Variants in DCBLD1 observed in about 807,000 individuals in gnomAD.
DCBLD1 encodes discoidin, CUB and LCCL domain containing 1.
A neutral mutation model predicts 71.5 loss-of-function variants in DCBLD1; 57 were observed. That is an observed-to-expected ratio of 0.80 (90% CI 0.64 to 0.99). The LOEUF is 0.99. Ranked by LOEUF, DCBLD1 falls within the 50% of genes least tolerant of loss-of-function variation. DCBLD1 has a pLI of 0.00. For missense variants in DCBLD1, 891 were observed against 923.5 expected (o/e 0.96, Z 0.46); for synonymous variants, 380 against 363.8 (o/e 1.04, Z -0.51).
Position 117,537,170 on chromosome 6 carries a change from T to C in DCBLD1, c.720-15T>C, listed in dbSNP as rs767340238. The C allele has an allele frequency of 1.2e-6, 2 of 1,614,020 alleles. No individual in the cohort carries two copies. Among genetic ancestry groups the C allele is most frequent in the East Asian group, 2.2e-5 (1 of 44,864 alleles). ...TGAGCAACTTACCTTCTCATGTTTG[T>C]CTTTATTGTTTCAGTGGTTCCCTGT... On this transcript the variant is annotated splice_polypyrimidine_tract_variant and intron_variant, in intron 6 of 14. Transcript: ENST00000338728.
chr6:117,557,231 C>A (rs530534806), intron 14 of DCBLD1, among the ~76,000 whole-genome samples: 1 of 152,128 alleles, frequency 6.6e-6, no homozygotes, highest in African/African-American at 2.4e-5. Flanking sequence ...ATTTAAGTAA[C>A]CTTTATCCCT....
intron 1 of DCBLD1, among the ~76,000 whole-genome samples, chr6:117,487,627 T>TA (rs1000954403): frequency 2.0e-5 from 3 of 151,780 alleles, no homozygotes; most frequent in Non-Finnish European, 2.9e-5. Context: ...CAGTCTCAAA[T>TA]AAAAAAAGAA....
intron 9 of DCBLD1, 179 bp from the exon 10 acceptor site, chr6:117,540,489 A>T: frequency 1.6e-6 from 1 of 638,426 alleles, no homozygotes; most frequent in Non-Finnish European, 2.7e-6. Context: ...GCACCACCTT[A>T]GTTAGATAAA....
At chr6:117,526,195 TTGAC>T (rs1464020144) in intron 5 of DCBLD1, among the ~76,000 whole-genome samples, 1 of 152,238 alleles carries the variant, frequency 6.6e-6, no homozygotes, top group Non-Finnish European at 1.5e-5. Flanking sequence ...GGGAAAAAGT[TTGAC>T]TGTGATTTTC....
At chr6:117,506,381 C>T (rs570288248) in intron 2 of DCBLD1, among the ~76,000 whole-genome samples, 22 of 152,284 alleles carry the variant, frequency 1.4e-4, no homozygotes, top group Non-Finnish European at 2.4e-4. Context: ...GCACTATCAT[C>T]CTTCCCAGGT....
At chr6:117,507,389 C>T (rs1777878273) in intron 2 of DCBLD1, among the ~76,000 whole-genome samples, 1 of 152,134 alleles carries the variant, frequency 6.6e-6, no homozygotes, top group African/African-American at 2.4e-5. Flanking sequence ...GATTATTCTT[C>T]TTCTGTTTGT....
At position 117,521,541 on chromosome 6, in the gene DCBLD1, G is replaced by T; in HGVS notation, c.477G>T (p.Leu159Phe). ...SSDHPDLITC[L>F]ERASHYLKTE... The stretch of plus-strand genomic sequence containing the variant: ...TTATGACAGATTTAATAACATGTTT[G>T]GAACGAGCTAGCCATTATTTGAAGA... Residue 159 changes from leucine to phenylalanine, a missense_variant, in exon 4 of 15, where the codon TTG (leucine) becomes TTT (phenylalanine). Coordinates refer to ENST00000338728, the MANE Select transcript of DCBLD1 (RefSeq NM_001366458.2). 1 of 1,573,226 alleles carries T rather than the reference G, an allele frequency of 6.4e-7. No individual in the cohort carries two copies. Among genetic ancestry groups the T allele is most frequent in the Non-Finnish European group, 8.6e-7 (1 of 1,167,604 alleles).
At chr6:117,484,605 T>C (rs943963134) in intron 1 of DCBLD1, among the ~76,000 whole-genome samples, 4 of 152,172 alleles carry the variant, frequency 2.6e-5, no homozygotes, top group African/African-American at 9.7e-5. Flanking sequence ...CACCCCGGCC[T>C]CCCAAGGTGC....
chr6:117,560,778 T>C (rs902291995), intron 14 of DCBLD1: 3 of 210,032 alleles, frequency 1.4e-5, no homozygotes, highest in African/African-American at 6.8e-5. Flanking sequence ...TCACATTTTA[T>C]TAAAACGTTT....
chr6:117,568,091 C>T (rs970863869), intron 14 of DCBLD1, among the ~76,000 whole-genome samples: 7 of 150,888 alleles, frequency 4.6e-5, no homozygotes, highest in African/African-American at 1.7e-4. Flanking sequence ...CTTAGCTACT[C>T]AGGGGGCTGA....
rs571257606 is a variant in DCBLD1, at chr6:117,561,302, C to A, written c.1616-8318C>A. 7.4e-4 allele frequency: 165 copies of A among 224,178 alleles called. 1 individual carries two copies. Among genetic ancestry groups the A allele is most frequent in the African/African-American group, 3.3e-3 (149 of 44,968 alleles). The allele number at this position is 224,178 out of a possible 1,614,324, so 13.9% of individuals were successfully genotyped here. On this transcript the variant is annotated intron_variant, in intron 14 of 14. Coordinates refer to the DCBLD1 transcript ENST00000296955. ...CTCTTCATACACTTATTCGGTAGTT[C>A]TTGAAAATCAAAGGGTTATAGCTTA...
At position 117,548,196 on chromosome 6, in the gene DCBLD1, C is replaced by T. The variant is rs771283285; in HGVS notation, c.1905C>T (p.Ser635=). 1.9e-6 allele frequency: 3 copies of T among 1,550,364 alleles called. No homozygotes were observed. The highest frequency in any genetic ancestry group is 2.0e-5 in the Admixed American group (1 of 50,988). The change falls in exon 15 of 15, where the codon TCC becomes TCT. Residue 635 remains serine, a synonymous_variant. Coordinates refer to ENST00000338728, the MANE Select transcript of DCBLD1 (RefSeq NM_001366458.2). ...AGCCCGGCCACAAACACTCCCTCTC[C>T]TCGGGCGGCTTCTCCCCCGTAGCGG... is the stretch of plus-strand genomic sequence containing the variant. ...GPQPGHKHSL[S]SGGFSPVAGV...
Position 117,503,939 on chromosome 6 carries a change from T to C in DCBLD1, c.285T>C (p.Ala95=), listed in dbSNP as rs1373387645. Residue 95 remains alanine (A), a synonymous_variant, in exon 2 of 15, where the codon GCT becomes GCC. Transcript: ENST00000338728. Reference sequence around the variant, plus strand: ...TGGATATCGAATCCCAGACCTGTGCTTCTGACTATCTTCTCTTCACCAGCT... The same window carrying C: ...TGGATATCGAATCCCAGACCTGTGCCTCTGACTATCTTCTCTTCACCAGCT... ...GDLDIESQTC[A]SDYLLFTSSS... is the part of the protein sequence containing the mutation. 6.2e-7 allele frequency: 1 copy of C among 1,614,060 alleles called. No individual in the cohort carries two copies. The highest frequency in any genetic ancestry group is 1.3e-5 in the African/African-American group (1 of 74,930).
chr6:117,558,649 A>AAGAT (rs1779527647), intron 14 of DCBLD1, among the ~76,000 whole-genome samples: 1 of 152,208 alleles, frequency 6.6e-6, no homozygotes, highest in East Asian at 1.9e-4. Flanking sequence ...TACAAGCTCC[A>AAGAT]AGATTCATTT....
chr6:117,543,630 G>A (rs1361499216), intron 12 of DCBLD1, among the ~76,000 whole-genome samples: 2 of 152,128 alleles, frequency 1.3e-5, no homozygotes, highest in Non-Finnish European at 1.5e-5. Flanking sequence ...AAAGCACTGG[G>A]ATTATAGGCA....
chr6:117,518,905 G>GTTATAAATAGACTTT (rs1159532310), intron 2 of DCBLD1, among the ~76,000 whole-genome samples: 2 of 152,104 alleles, frequency 1.3e-5, no homozygotes, highest in Non-Finnish European at 2.9e-5. Context: ...GGTTTTATTC[G>GTTATAAATAGACTTT]TATTGACTTG....
chr6:117,547,632 C>T (rs1218119941), intron 14 of DCBLD1: 4 of 704,440 alleles, frequency 5.7e-6, no homozygotes, highest in Admixed American at 2.0e-5. Context: ...GAGCCACTTC[C>T]TCCCTGAAGT....
At chr6:117,558,384 C>G (rs1562132324) in intron 14 of DCBLD1, among the ~76,000 whole-genome samples, 2 of 152,170 alleles carry the variant, frequency 1.3e-5, no homozygotes, top group Non-Finnish European at 2.9e-5. Flanking sequence ...TTTCAAATGT[C>G]TGCATCACTG....
chr6:117,544,608 C>G, intron 13 of DCBLD1, 31 bp downstream of exon 13: 1 of 1,612,940 alleles, frequency 6.2e-7, no homozygotes, highest in Non-Finnish European at 8.5e-7. Flanking sequence ...ACAATTTTAT[C>G]TGTCTTTGAG....
Sources: allele counts gnomAD v4.1 joint callset (sites outside exome capture counted in the v4.1 genomes callset), GRCh38; gene constraint gnomAD v4.1.1; transcripts MANE v1.5; gene names NCBI Gene and HGNC (gene_info 2026-07-23, HGNC 2026-07-21).